The following PSEN2 variants were observed in gnomAD, a reference collection of about 807,000 sequenced individuals.
PSEN2 encodes presenilin 2, also known as presenilin-2.
PSEN2 carries 32 observed loss-of-function variants against 49.1 expected under a neutral mutation model. That is an observed-to-expected ratio of 0.65 (90% CI 0.49 to 0.88). The LOEUF is 0.88. PSEN2 is among the 40% of genes least tolerant of loss of function. The pLI is 0.00. For missense variants in PSEN2, 522 were observed against 586.9 expected, an observed-to-expected ratio of 0.89 and a Z score of 1.14; for synonymous variants, 255 against 244.0, an observed-to-expected ratio of 1.05 and a Z score of -0.42.
downstream of PSEN2, among the ~76,000 whole-genome samples, chr1:226,896,988 C>G (rs1360856457): frequency 6.6e-6 from 1 of 152,132 alleles, no homozygotes; most frequent in Non-Finnish European, 1.5e-5. Flanking sequence ...CTTGCTTTCC[C>G]CCAGGCTGTT....
chr1:226,900,504 G>A (rs1201881826), downstream of PSEN2, among the ~76,000 whole-genome samples: 1 of 152,160 alleles, frequency 6.6e-6, no homozygotes, highest in African/African-American at 2.4e-5. Flanking sequence ...CGAATGGGGC[G>A]GCAGGGTCCT....
chr1:226,885,204 G>A lies in PSEN2; in HGVS notation c.357-334G>A, dbSNP rs138316025. Among the ~76,000 whole-genome samples, 335 of 151,992 alleles carry A rather than the reference G, an allele frequency of 2.2e-3. 1 individual carries two copies. Among genetic ancestry groups the A allele is most frequent in the African/African-American group, 7.6e-3 (315 of 41,438 alleles). On this transcript the variant is annotated intron_variant, in intron 5 of 12. Coordinates refer to ENST00000366783, the MANE Select transcript of PSEN2 (RefSeq NM_000447.3). ...GGTGGAGAGGTGTGGGTGGGTGGGG[G>A]AATGAGAACTGGATGGGTGAGAGAA...
intron 7 of PSEN2, 48 bp downstream of exon 7, chr1:226,888,206 G>A (rs1661500666): frequency 6.7e-7 from 1 of 1,484,400 alleles, no homozygotes; most frequent in African/African-American, 1.4e-5. Flanking sequence ...CTCTCCATGT[G>A]GCACAAGTGG....
At chr1:226,886,773 T>C (rs748008862) in intron 6 of PSEN2, among the ~76,000 whole-genome samples, 9 of 152,046 alleles carry the variant, frequency 5.9e-5, no homozygotes, top group Non-Finnish European at 1.2e-4. Flanking sequence ...TGGGAGGGGC[T>C]GCAGGATGTG....
chr1:226,884,761 A>G (rs886370443), intron 5 of PSEN2: 12 of 152,014 alleles, frequency 7.9e-5, no homozygotes, highest in Admixed American at 6.6e-4. Context: ...AAAAAATGCA[A>G]AAATTAGCCA....
chr1:226,880,531 C>T (rs1660908168), intron 3 of PSEN2: 1 of 1,563,178 alleles, frequency 6.4e-7, no homozygotes, highest in African/African-American at 1.4e-5. Flanking sequence ...ACAGCGATCA[C>T]TCAGCCTCTG....
At chr1:226,884,916 T>A (rs944992677) in intron 5 of PSEN2, among the ~76,000 whole-genome samples, 7 of 152,104 alleles carry the variant, frequency 4.6e-5, no homozygotes, top group Admixed American at 6.5e-5. Context: ...TGTCTCAAAA[T>A]TTTTTTAAAA....
At position 226,891,366 on chromosome 1, in the gene PSEN2, G is replaced by A; in HGVS notation, c.970+5G>A. 4 of 1,609,188 alleles carry A rather than the reference G, an allele frequency of 2.5e-6. No individual in the cohort carries two copies. Among genetic ancestry groups the A allele is most frequent in the Non-Finnish European group, 3.4e-6 (4 of 1,177,940 alleles). Reference sequence around the variant, plus strand: ...TCCCCTACGACCCGGAGATGGGTGAGTATCTTGGGGAGCTAACAGCCTCTC... The same window carrying A: ...TCCCCTACGACCCGGAGATGGGTGAATATCTTGGGGAGCTAACAGCCTCTC... On this transcript the variant is annotated splice_donor_5th_base_variant and intron_variant, in intron 10 of 12. Transcript: ENST00000366783.
chr1:226,894,077 C>T lies in PSEN2; in HGVS notation c.1143C>T (p.Gly381=). ...SVLVGKAAAT[G]SGDWNTTLAC... ...TGGTGGGCAAGGCGGCTGCCACGGG[C>T]AGCGGGGACTGGAATACCACGCTGG... Residue 381 remains glycine (G), a synonymous_variant, in exon 12 of 13, where the codon GGC becomes GGT. Coordinates refer to ENST00000366783, the MANE Select transcript of PSEN2 (RefSeq NM_000447.3). 1 of 1,614,222 alleles carries T rather than the reference C, an allele frequency of 6.2e-7. No homozygotes were observed. The highest frequency in any genetic ancestry group is 2.2e-5 in the East Asian group (1 of 44,888).
At chr1:226,888,068 A>G (rs1485693977) in intron 6 of PSEN2, 23 bp from the exon 7 acceptor site, 1 of 1,604,172 alleles carries the variant, frequency 6.2e-7, no homozygotes. Flanking sequence ...ACACCTTGTG[A>G]TCGTGCAATT....
intron 11 of PSEN2, among the ~76,000 whole-genome samples, chr1:226,892,748 C>T (rs1661844056): frequency 6.6e-6 from 1 of 152,090 alleles, no homozygotes; most frequent in Non-Finnish European, 1.5e-5. Flanking sequence ...GCACAGATCC[C>T]ACGGGGCCCG....
At position 226,891,338 on chromosome 1, in the gene PSEN2, A is replaced by G. The variant is rs201778576; in HGVS notation, c.947A>G (p.Gln316Arg). The change falls in exon 10 of 13, where the codon CAG (glutamine) becomes CGG (arginine). Residue 316 changes from glutamine (Q) to arginine (R), a missense_variant. Transcript: ENST00000366783. ...KLDPSSQGALQLPYDPEMEED... is the reference protein window; with the variant it reads ...KLDPSSQGALRLPYDPEMEED... Reference sequence around the variant, plus strand: ...GACCCCTCCTCTCAGGGTGCCCTCCAGCTCCCCTACGACCCGGAGATGGGT... The same window carrying G: ...GACCCCTCCTCTCAGGGTGCCCTCCGGCTCCCCTACGACCCGGAGATGGGT... The G allele has an allele frequency of 3.7e-6, 6 of 1,613,672 alleles. No individual in the cohort carries two copies. The highest frequency in any genetic ancestry group is 4.2e-6 in the Non-Finnish European group (5 of 1,179,894).
intron 3 of PSEN2, among the ~76,000 whole-genome samples, chr1:226,876,985 T>C (rs994037883): frequency 3.9e-5 from 6 of 152,152 alleles, no homozygotes; most frequent in Non-Finnish European, 7.3e-5. Flanking sequence ...TTTCCACTCC[T>C]CCTCCTCCCT....
chr1:226,883,906 A>G lies in PSEN2; in HGVS notation c.343A>G (p.Lys115Glu). 1.3e-6 allele frequency: 2 copies of G among 1,532,002 alleles called. No homozygotes were observed. Among genetic ancestry groups the G allele is most frequent in the Non-Finnish European group, 1.8e-6 (2 of 1,129,288 alleles). The allele number at this position is 1,532,002 out of a possible 1,614,324, so 94.9% of individuals were successfully genotyped here. A position where few individuals can be genotyped will look rare whatever the true frequency, so the allele number is the denominator to read the frequency against. Reference sequence around the variant, plus strand: ...CAAGTCTGTGCGCTTCTACACAGAGAAGAATGGACAGCTGTGAGTTGGGGG... The same window carrying G: ...CAAGTCTGTGCGCTTCTACACAGAGGAGAATGGACAGCTGTGAGTTGGGGG... ...TIKSVRFYTE[K>E]NGQLIYTPFT... The change falls in exon 5 of 13, where the codon AAG (lysine) becomes GAG (glutamate). Residue 115 changes from lysine (K) to glutamate (E), a missense_variant. By Grantham distance (56) the Lys-to-Glu change is moderately conservative. Coordinates refer to ENST00000366783, the MANE Select transcript of PSEN2 (RefSeq NM_000447.3).
intron 11 of PSEN2, among the ~76,000 whole-genome samples, chr1:226,892,757 C>T (rs945222364): frequency 2.0e-5 from 3 of 152,084 alleles, no homozygotes; most frequent in African/African-American, 7.2e-5. Context: ...CCACGGGGCC[C>T]GCAGGACTGG....
intron 2 of PSEN2, among the ~76,000 whole-genome samples, chr1:226,872,806 A>C: frequency 6.6e-6 from 1 of 152,192 alleles, no homozygotes; most frequent in East Asian, 1.9e-4. Context: ...GGTGAGGCTG[A>C]GAGGCCCCGA....
In PSEN2 at chr1:226,891,315, CCCCTCCTCTCAGGGTG is replaced by C; in HGVS notation, c.931_946del (p.Gln312SerfsTer28). 6.2e-7 allele frequency: 1 copy of C among 1,613,976 alleles called. No homozygotes were observed. Among genetic ancestry groups the C allele is most frequent in the Non-Finnish European group, 8.5e-7 (1 of 1,179,998 alleles). On this transcript the variant is annotated frameshift_variant, in exon 10 of 13. Coordinates refer to ENST00000366783, the MANE Select transcript of PSEN2 (RefSeq NM_000447.3). LOFTEE classifies it high-confidence loss of function. ...GGACGGTTGGCATGGCGAAGCTGGA[CCCCTCCTCTCAGGGTG>C]CCCTCCAGCTCCCCTACGACCCGGA...
At chr1:226,881,267 A>T (rs1660969042) in intron 3 of PSEN2, among the ~76,000 whole-genome samples, 1 of 152,084 alleles carries the variant, frequency 6.6e-6, no homozygotes, top group African/African-American at 2.4e-5. Context: ...TCTCCTTAAC[A>T]TGGTGCCTGA....
chr1:226,878,179 A>G (rs1161466618), intron 3 of PSEN2, among the ~76,000 whole-genome samples: 2 of 151,752 alleles, frequency 1.3e-5, no homozygotes, highest in African/African-American at 4.8e-5. Flanking sequence ...TCCTGGGTTC[A>G]AGTGATTATC....
Sources: gnomAD v4.1 joint callset for allele counts (sites outside exome capture counted in the v4.1 genomes callset) on GRCh38, gnomAD v4.1.1 for gene constraint, MANE v1.5 for transcripts, NCBI Gene and HGNC (gene_info 2026-07-23, HGNC 2026-07-21) for gene names.